Variants in FGF14 observed in about 807,000 individuals in gnomAD.
FGF14 encodes the protein fibroblast growth factor homologous factor 4.
In FGF14, 5 loss-of-function variants were observed where a neutral mutation model predicts 25.5. The observed-to-expected ratio is 0.20, with a 90% CI of 0.10 to 0.41. FGF14 has a LOEUF of 0.41. FGF14 is among the 10% of genes least tolerant of loss of function. FGF14 has a pLI of 1.00. For synonymous variants in FGF14, 138 were observed against 118.3 expected (o/e 1.17, Z -1.08); for missense variants, 222 against 320.1 (o/e 0.69, Z 2.34).
chr13:102,395,163 T>C (rs1407725829), intron 1 of FGF14: 2 of 152,228 alleles, frequency 1.3e-5, no homozygotes, highest in Non-Finnish European at 2.9e-5. Context: ...CCAAAGCAAC[T>C]GGAACTCGAG....
Position 102,017,370 on chromosome 13 carries a change from C to T in FGF14, c.209-142074G>A, listed in dbSNP as rs371859774. Among the ~76,000 whole-genome samples, 32 of 152,258 alleles carry T rather than the reference C, an allele frequency of 2.1e-4. No individual in the cohort carries two copies. The East Asian group carries it at 6.0e-3, about 29-fold the overall frequency. The stretch of plus-strand genomic sequence containing the variant: ...TTTGTTTTATCCCTAAAATCAAATG[C>T]TAGTTTGGCTGGATATAGGAATCTA... On this transcript the variant is annotated intron_variant, in intron 1 of 4. Transcript: ENST00000376131.
intron 1 of FGF14, among the ~76,000 whole-genome samples, chr13:101,951,952 A>G (rs1298986711): frequency 1.3e-5 from 2 of 152,172 alleles, no homozygotes; most frequent in Admixed American, 1.3e-4. Context: ...TATCAACTCT[A>G]GTGTTTACAG....
chr13:101,852,631 T>G (rs1238112944), intron 3 of FGF14, among the ~76,000 whole-genome samples: 1 of 152,042 alleles, frequency 6.6e-6, no homozygotes, highest in Non-Finnish European at 1.5e-5. Context: ...AATGTCTTTG[T>G]CAGGACAGAA....
At chr13:101,938,038 G>A (rs533416671) in intron 1 of FGF14, among the ~76,000 whole-genome samples, 25 of 152,308 alleles carry the variant, frequency 1.6e-4, no homozygotes, top group South Asian at 4.2e-4. Context: ...TTCATGCACC[G>A]AATAGACAAG....
At chr13:102,265,577 T>A (rs976127264) in intron 1 of FGF14, among the ~76,000 whole-genome samples, 10 of 152,160 alleles carry the variant, frequency 6.6e-5, no homozygotes, top group African/African-American at 2.2e-4. Context: ...TGCATTAGAA[T>A]TGGTAACATT....
At chr13:102,047,055 C>A (rs184254944) in intron 1 of FGF14, among the ~76,000 whole-genome samples, 12 of 152,084 alleles carry the variant, frequency 7.9e-5, no homozygotes, top group African/African-American at 2.7e-4. Context: ...CAACTCTGGA[C>A]AGGAATTGGC....
intron 1 of FGF14, among the ~76,000 whole-genome samples, chr13:101,909,434 T>C (rs1406911639): frequency 2.6e-5 from 4 of 152,096 alleles, no homozygotes; most frequent in Non-Finnish European, 5.9e-5. Context: ...GGGTGAAGGA[T>C]ATGAACAGAC....
chr13:102,039,960 CT>C (rs1354474348), intron 1 of FGF14, among the ~76,000 whole-genome samples: 1 of 145,092 alleles, frequency 6.9e-6, no homozygotes, highest in African/African-American at 2.5e-5. Flanking sequence ...GCAAAAATTA[CT>C]TTGTGTTTAC....
At chr13:102,209,427 G>A (rs1000805971) in intron 1 of FGF14, among the ~76,000 whole-genome samples, 3 of 152,090 alleles carry the variant, frequency 2.0e-5, no homozygotes, top group African/African-American at 4.8e-5. Context: ...TGCATTTTCC[G>A]CACTATACAA....
chr13:101,729,010 G>GTAGA (rs2035629939), intron 3 of FGF14, among the ~76,000 whole-genome samples: 2 of 152,094 alleles, frequency 1.3e-5, no homozygotes, highest in Admixed American at 1.3e-4. Flanking sequence ...GATGCTTGAT[G>GTAGA]TAGAGGAAGT....
At chr13:102,159,137 C>A (rs2047503496) in intron 1 of FGF14, among the ~76,000 whole-genome samples, 2 of 89,628 alleles carry the variant, frequency 2.2e-5, no homozygotes, top group African/African-American at 5.1e-5. Flanking sequence ...CAGACTCTGT[C>A]TCAAAAAAAA....
In FGF14 at chr13:102,259,377, TG is replaced by T. The variant is rs201512995; in HGVS notation, c.208+142093del. On this transcript the variant is annotated intron_variant, in intron 1 of 4. Transcript: ENST00000376131. The stretch of plus-strand genomic sequence containing the variant: ...ATTTTATTTGACTGGTTTTTTGTTT[TG>T]TTTTGTTTTGTTTTTTGAAACAGAG... Among the ~76,000 whole-genome samples the T allele has an allele frequency of 1.7e-3, 266 of 152,324 alleles. 4 individuals are homozygous for T. In the East Asian group the frequency reaches 0.047, roughly 27 times the overall value.
intron 1 of FGF14, among the ~76,000 whole-genome samples, chr13:102,227,599 C>T (rs1214344776): frequency 6.6e-6 from 1 of 152,156 alleles, no homozygotes; most frequent in African/African-American, 2.4e-5. Flanking sequence ...CTACATCACA[C>T]AACTCTATGC....
At chr13:102,114,700 C>T (rs1407607630) in intron 1 of FGF14, among the ~76,000 whole-genome samples, 1 of 152,094 alleles carries the variant, frequency 6.6e-6, no homozygotes, top group African/African-American at 2.4e-5. Flanking sequence ...GCCTTGAGAA[C>T]ATTATGGTAA....
rs147069223 is a variant in FGF14 at position 102,063,989 on chromosome 13, A to C, written c.209-188693T>G. ...ATAAAATTAGTAAACCATACTTGCT[A>C]TAATTAAAAGGTTTTTTAAAGTACA... On this transcript the variant is annotated intron_variant, in intron 1 of 4. Coordinates refer to the FGF14 transcript ENST00000376131. 9.7e-3 allele frequency among the ~76,000 whole-genome samples: 1,474 copies of C among 152,314 alleles called. 25 individuals are homozygous for C. The highest frequency in any genetic ancestry group is 0.034 in the African/African-American group (1,412 of 41,564).
rs60775005 is a variant in FGF14 at position 102,096,001 on chromosome 13, GTATA to G, written c.209-220709_209-220706del. Among the ~76,000 whole-genome samples the G allele has an allele frequency of 2.7e-4, 36 of 135,048 alleles. No homozygotes were observed. In the East Asian group the frequency reaches 5.2e-3, roughly 20 times the overall value. The allele number at this position is 135,048 out of a possible 152,430, so 88.6% of individuals were successfully genotyped here. ...TTTGTGTGTGTGTGTGTGTGTGTGTGTATATATATATATATAATATATTTCTTTA... is the reference window on the plus strand; with the variant it reads ...TTTGTGTGTGTGTGTGTGTGTGTGTGTATATATATATAATATATTTCTTTA... On this transcript the variant is annotated intron_variant, in intron 1 of 4. Transcript: ENST00000376131.
At position 102,215,607 on chromosome 13, in the gene FGF14, C is replaced by T. The variant is rs556672409; in HGVS notation, c.208+185864G>A. Among the ~76,000 whole-genome samples, 13 of 152,298 alleles carry T rather than the reference C, an allele frequency of 8.5e-5. No individual in the cohort carries two copies. In the South Asian group the frequency reaches 2.3e-3, roughly 27 times the overall value. On this transcript the variant is annotated intron_variant, in intron 1 of 4. Coordinates refer to the FGF14 transcript ENST00000376131. ...GGTCCTAACAGCCAGGTTAAACCAA[C>T]CTACCTTTATGTCAGATCTGAGCCC...
intron 1 of FGF14, among the ~76,000 whole-genome samples, chr13:102,385,783 A>C (rs540870662): frequency 1.3e-5 from 2 of 152,164 alleles, no homozygotes; most frequent in Non-Finnish European, 2.9e-5. Flanking sequence ...TTTTGTCCCA[A>C]GCTAAATGTC....
intron 1 of FGF14, among the ~76,000 whole-genome samples, chr13:102,348,381 GA>G: frequency 6.6e-6 from 1 of 152,154 alleles, no homozygotes; most frequent in East Asian, 1.9e-4. Context: ...TTGAAGCAAA[GA>G]AAAAACAGAC....
Sources: allele counts gnomAD v4.1 joint callset (sites outside exome capture counted in the v4.1 genomes callset), GRCh38; gene constraint gnomAD v4.1.1; transcripts MANE v1.5; gene names NCBI Gene and HGNC (gene_info 2026-07-23, HGNC 2026-07-21).